Variants in FANCA observed in about 807,000 individuals in gnomAD.
FANCA encodes the protein FA complementation group A, also known as Fanconi anemia group A protein.
A neutral mutation model predicts 194.3 loss-of-function variants in FANCA; 236 were observed. The ratio of observed to expected loss-of-function variants is 1.21; its 90% CI spans 1.09 to 1.35. The LOEUF (loss-of-function observed/expected upper bound fraction) is 1.35, where lower values mean the gene tolerates loss of function less well. Ranked by LOEUF, FANCA falls within the 40% of genes most tolerant of loss-of-function variation. The pLI, the probability that FANCA is intolerant of heterozygous loss-of-function variation, is 0.00. For missense variants in FANCA, 2,628 were observed against 1,813.9 expected, an observed-to-expected ratio of 1.45 and a Z score of -8.15; for synonymous variants, 1,014 against 715.8, an observed-to-expected ratio of 1.42 and a Z score of -6.65.
chr16:89,781,448 C>T (rs903655377), intron 17 of FANCA, among the ~76,000 whole-genome samples: 14 of 148,278 alleles, frequency 9.4e-5, no homozygotes, highest in African/African-American at 3.5e-4. Context: ...CCAAGGCGGG[C>T]AGATCACGAG....
At chr16:89,742,409 A>C (rs927322554) in intron 37 of FANCA, among the ~76,000 whole-genome samples, 1 of 151,736 alleles carries the variant, frequency 6.6e-6, no homozygotes, top group Non-Finnish European at 1.5e-5. Context: ...AGCTGACTGC[A>C]CCACTGCACT....
intron 14 of FANCA, chr16:89,791,157 G>C: frequency 3.5e-6 from 2 of 566,338 alleles, no homozygotes; most frequent in South Asian, 4.0e-5. Flanking sequence ...AGGGGAAGGA[G>C]CTGAGGCCCC....
intron 26 of FANCA, among the ~76,000 whole-genome samples, chr16:89,769,489 G>A (rs1400404003): frequency 6.6e-6 from 1 of 152,198 alleles, no homozygotes; most frequent in Non-Finnish European, 1.5e-5. Flanking sequence ...CGAAGAACCT[G>A]ACCAGAGGGA....
intron 15 of FANCA, among the ~76,000 whole-genome samples, chr16:89,784,397 A>C (rs1408296151): frequency 2.0e-5 from 3 of 148,426 alleles, no homozygotes; most frequent in African/African-American, 7.6e-5. Context: ...AAACAAAAAA[A>C]CAAAAAAAAA....
intron 33 of FANCA, 23 bp from the exon 34 acceptor site, chr16:89,746,913 T>C: frequency 1.3e-6 from 2 of 1,551,042 alleles, no homozygotes; most frequent in Non-Finnish European, 1.7e-6. Context: ...TCAAGGCAGG[T>C]AAGAAAAGCC....
intron 27 of FANCA, among the ~76,000 whole-genome samples, 154 bp downstream of exon 27, chr16:89,766,987 C>T (rs544644376): frequency 4.6e-5 from 7 of 151,762 alleles, no homozygotes; most frequent in Non-Finnish European, 8.8e-5. Context: ...GACAGCCAGC[C>T]TGACTCAGGA....
At chr16:89,755,209 A>G (rs1457619985) in intron 30 of FANCA, among the ~76,000 whole-genome samples, 1 of 151,002 alleles carries the variant, frequency 6.6e-6, no homozygotes, top group African/African-American at 2.4e-5. Context: ...ACCTCACACA[A>G]CAATTTTTTT....
chr16:89,803,414 C>G, intron 7 of FANCA, 73 bp from the exon 8 acceptor site: 1 of 1,374,936 alleles, frequency 7.3e-7, no homozygotes, highest in Non-Finnish European at 1.0e-6. Context: ...CACAGACCAT[C>G]CACTTCAGAG....
rs55660936 is a variant in FANCA at position 89,799,630 on chromosome 16, A to G, written c.801T>C (p.Val267=). 60 of 1,613,330 alleles carry G rather than the reference A, an allele frequency of 3.7e-5. 1 individual carries two copies. The African/African-American group carries it at 7.7e-4, about 21-fold the overall frequency. The part of the protein sequence containing the change: ...VEPEKMPQVT[V]DVLQRMLIFA... ...AAATCAGCATTCTCTGCAGTACATC[A>G]ACCGTGACCTGTCAAAATAGAATGT... is the stretch of plus-strand genomic sequence containing the variant. The change falls in exon 9 of 43, where the codon GTT becomes GTC. Residue 267 remains valine (V), a synonymous_variant. Coordinates refer to ENST00000389301, the MANE Select transcript of FANCA (RefSeq NM_000135.4).
chr16:89,788,075 G>A (rs970107618), intron 14 of FANCA, among the ~76,000 whole-genome samples: 4 of 151,908 alleles, frequency 2.6e-5, no homozygotes, highest in African/African-American at 4.8e-5. Flanking sequence ...GTTTTGCCAC[G>A]TTGCCCAGGG....
rs2143424514 is a variant in FANCA at position 89,778,980 on chromosome 16, A to C, written c.1739T>G (p.Val580Gly). Residue 580 changes from valine to glycine, a missense_variant, in exon 19 of 43, where the codon GTG (valine) becomes GGG (glycine). Val to Gly is a moderately radical substitution (Grantham distance 109). Transcript: ENST00000389301. ...EASIFRRPYY[V>G]SHFLPALLTP... ...GAGCAGGGCGGGGAGGAAGTGGGAC[A>C]CGTAGTAAGGCCTCCTGAATATGCT... 6.2e-7 allele frequency: 1 copy of C among 1,613,974 alleles called. No homozygotes were observed. The highest frequency in any genetic ancestry group is 8.5e-7 in the Non-Finnish European group (1 of 1,180,036).
At chr16:89,795,207 C>T (rs890038407) in intron 11 of FANCA, among the ~76,000 whole-genome samples, 4 of 151,542 alleles carry the variant, frequency 2.6e-5, no homozygotes, top group Non-Finnish European at 4.4e-5. Context: ...ATGGTTTGAA[C>T]CCGGGAGGTG....
intron 6 of FANCA, among the ~76,000 whole-genome samples, chr16:89,805,848 G>A (rs905227505): frequency 1.3e-5 from 2 of 151,882 alleles, no homozygotes; most frequent in East Asian, 3.9e-4. Context: ...TTCATTTGTG[G>A]TTAGAGAACA....
At chr16:89,782,767 G>C (rs1446605128) in intron 17 of FANCA, 92 bp downstream of exon 17, 1 of 1,155,144 alleles carries the variant, frequency 8.7e-7, no homozygotes, top group Non-Finnish European at 1.3e-6. Flanking sequence ...GACTGGGAAG[G>C]CTGAAAAACT....
At position 89,738,231 on chromosome 16, in the gene FANCA, G is replaced by A. The variant is rs775004716; in HGVS notation, c.*370C>T. On this transcript the variant is annotated 3_prime_UTR_variant, in exon 43 of 43. Transcript: ENST00000389301. ...TGACCACAGAGGGCCAGGCGGTGAA[G>A]CCCGAACCCACCTGAGGACGGCAGT... 1 of 1,605,698 alleles carries A rather than the reference G, an allele frequency of 6.2e-7. No individual in the cohort carries two copies. The highest frequency in any genetic ancestry group is 1.3e-5 in the African/African-American group (1 of 74,832).
intron 10 of FANCA, among the ~76,000 whole-genome samples, chr16:89,797,544 G>A (rs1161679664): frequency 2.0e-5 from 3 of 152,088 alleles, no homozygotes; most frequent in Non-Finnish European, 2.9e-5. Context: ...AGTGTGCAAG[G>A]GAAGCTGGCC....
intron 39 of FANCA, 81 bp from the exon 40 acceptor site, chr16:89,739,634 A>T: frequency 1.3e-6 from 2 of 1,516,166 alleles, no homozygotes; most frequent in South Asian, 1.2e-5. Flanking sequence ...GGGGGTCGGG[A>T]CGTGTACCCT....
In FANCA at chr16:89,764,916, C is replaced by T; in HGVS notation, c.2752G>A (p.Glu918Lys). 6.2e-7 allele frequency: 1 copy of T among 1,614,190 alleles called. No homozygotes were observed. The highest frequency in any genetic ancestry group is 8.5e-7 in the Non-Finnish European group (1 of 1,180,016). Reference protein sequence around the residue: ...LSLWTHRTFREVLKEEDVHLT... With the variant: ...LSLWTHRTFRKVLKEEDVHLT... ...TGAACATCTTCCTCTTTCAACACCT[C>T]TCGGAAGGTTCTGTGTGTCCAGAGA... The change falls in exon 28 of 43, where the codon GAG becomes AAG. Residue 918 changes from glutamate (E) to lysine (K), a missense_variant. Physicochemically the swap from Glu to Lys is moderately conservative, Grantham distance 56. Coordinates refer to ENST00000389301, the MANE Select transcript of FANCA (RefSeq NM_000135.4).
chr16:89,759,318 TAAAAAAAAAAAAAA>T (rs71137673), intron 29 of FANCA, among the ~76,000 whole-genome samples: 49 of 75,210 alleles, frequency 6.5e-4, no homozygotes, highest in Admixed American at 3.3e-3. Flanking sequence ...AGACTCCGTC[TAAAAAAAAAAAAAA>T]AAAAAAAAAA....
Sources: allele counts gnomAD v4.1 joint callset (sites outside exome capture counted in the v4.1 genomes callset), GRCh38; gene constraint gnomAD v4.1.1; transcripts MANE v1.5; gene names NCBI Gene and HGNC (gene_info 2026-07-23, HGNC 2026-07-21).